Variants in NRXN3 observed in about 807,000 individuals in gnomAD.
NRXN3 encodes neurexin 3.
A neutral mutation model predicts 137.6 loss-of-function variants in NRXN3; 32 were observed. The observed-to-expected ratio is 0.23, with a 90% confidence interval of 0.18 to 0.31. NRXN3 has a LOEUF of 0.31. Among genes scored for constraint, NRXN3 ranks in the 10% least tolerant of loss-of-function variants. The pLI is 1.00. For synonymous variants in NRXN3, 798 were observed against 784.5 expected, an observed-to-expected ratio of 1.02 and a Z score of -0.29; for missense variants, 1,574 against 2,062.5, an observed-to-expected ratio of 0.76 and a Z score of 4.59.
intron 4 of NRXN3, among the ~76,000 whole-genome samples, chr14:78,638,080 G>A (rs2097582194): frequency 6.6e-6 from 1 of 152,172 alleles, no homozygotes; most frequent in African/African-American, 2.4e-5. Context: ...CCAGGATGCT[G>A]GCTGTTTATT....
chr14:78,570,635 C>A (rs1242432979), intron 4 of NRXN3, among the ~76,000 whole-genome samples: 1 of 152,174 alleles, frequency 6.6e-6, no homozygotes, highest in African/African-American at 2.4e-5. Context: ...AGAATCCTGG[C>A]AAAAGGAGAC....
chr14:78,987,577 T>G (rs912957388), intron 14 of NRXN3, among the ~76,000 whole-genome samples: 21 of 152,104 alleles, frequency 1.4e-4, no homozygotes, highest in Non-Finnish European at 2.8e-4. Flanking sequence ...ACATCTTTTT[T>G]TATGTCACGA....
chr14:79,072,883 T>C (rs1568191989), intron 15 of NRXN3, among the ~76,000 whole-genome samples: 1 of 113,418 alleles, frequency 8.8e-6, no homozygotes, highest in African/African-American at 2.6e-5. Context: ...TCTCTCTCTC[T>C]CTCTTTTTTT....
At chr14:78,717,507 C>T (rs2098439532) in intron 8 of NRXN3, among the ~76,000 whole-genome samples, 2 of 152,028 alleles carry the variant, frequency 1.3e-5, no homozygotes, top group Non-Finnish European at 2.9e-5. Flanking sequence ...TTTTTTGCCC[C>T]TGGATTGTTC....
At chr14:78,307,710 G>A (rs560698690) in intron 4 of NRXN3, among the ~76,000 whole-genome samples, 1 of 152,194 alleles carries the variant, frequency 6.6e-6, no homozygotes, top group Admixed American at 6.5e-5. Flanking sequence ...CTTTTTGATG[G>A]ATGTCTGATT....
intron 15 of NRXN3, among the ~76,000 whole-genome samples, chr14:79,435,733 C>A (rs1007651917): frequency 6.6e-6 from 1 of 152,068 alleles, no homozygotes; most frequent in Non-Finnish European, 1.5e-5. Context: ...CTCCTGAGCT[C>A]AGGCTATCCT....
Position 78,209,089 on chromosome 14 carries a change from T to G in NRXN3, c.-703-33302T>G, listed in dbSNP as rs920947148. Among the ~76,000 whole-genome samples, 3 of 152,248 alleles carry G rather than the reference T, an allele frequency of 2.0e-5. 1 individual carries two copies. The highest frequency in any genetic ancestry group is 6.5e-5 in the Admixed American group (1 of 15,300). ...CAGGTTGGTTTTGTTTTCTTGAAGC[T>G]TGTCTGAAGGAGATAAGTCTGCACC... On this transcript the variant is annotated intron_variant, in intron 1 of 20. Coordinates refer to ENST00000335750, the MANE Select transcript of NRXN3 (RefSeq NM_001330195.2).
chr14:78,321,208 TA>T (rs1329148697), intron 4 of NRXN3, among the ~76,000 whole-genome samples: 1 of 152,024 alleles, frequency 6.6e-6, no homozygotes, highest in Non-Finnish European at 1.5e-5. Flanking sequence ...GTGCTCTTCA[TA>T]ACCCCATCTT....
At chr14:78,969,989 A>T (rs2099431105) in intron 14 of NRXN3, among the ~76,000 whole-genome samples, 2 of 152,188 alleles carry the variant, frequency 1.3e-5, no homozygotes, top group Admixed American at 1.3e-4. Context: ...ATTAAAGGGC[A>T]ATCCTGGAAT....
At chr14:78,191,165 A>C (rs1481495332) in intron 1 of NRXN3, among the ~76,000 whole-genome samples, 2 of 152,154 alleles carry the variant, frequency 1.3e-5, no homozygotes, top group Non-Finnish European at 2.9e-5. Flanking sequence ...GCAAATTCAC[A>C]ACTGGTGGGG....
At chr14:79,307,774 CTCTCTCTT>C (rs1197093714) in intron 15 of NRXN3, among the ~76,000 whole-genome samples, 2 of 152,178 alleles carry the variant, frequency 1.3e-5, no homozygotes, top group African/African-American at 2.4e-5. Context: ...CTTTCTCTCT[CTCTCTCTT>C]TCTCTCTTTC....
chr14:78,998,128 G>A (rs1305152676), intron 15 of NRXN3, among the ~76,000 whole-genome samples: 1 of 152,112 alleles, frequency 6.6e-6, no homozygotes, highest in Non-Finnish European at 1.5e-5. Flanking sequence ...GCTCTTCTTT[G>A]CCTGATGTCT....
At chr14:78,251,750 T>C (rs893225658) in intron 2 of NRXN3, among the ~76,000 whole-genome samples, 1 of 152,088 alleles carries the variant, frequency 6.6e-6, no homozygotes, top group African/African-American at 2.4e-5. Context: ...TGTTTGGAAA[T>C]ATTTGCAGTA....
intron 4 of NRXN3, among the ~76,000 whole-genome samples, chr14:78,374,832 G>A (rs992882668): frequency 6.7e-6 from 1 of 148,630 alleles, no homozygotes; most frequent in Non-Finnish European, 1.5e-5. Context: ...CAGAAAAATT[G>A]TGCTACAACT....
chr14:79,249,538 G>A (rs2075661391), intron 15 of NRXN3, among the ~76,000 whole-genome samples: 1 of 152,186 alleles, frequency 6.6e-6, no homozygotes, highest in African/African-American at 2.4e-5. Context: ...TGGATTCCAT[G>A]AACATGGCTG....
At chr14:79,564,076 C>G (rs528186981) in intron 16 of NRXN3, among the ~76,000 whole-genome samples, 33 of 151,910 alleles carry the variant, frequency 2.2e-4, no homozygotes, top group African/African-American at 7.7e-4. Context: ...GAAGTACAAC[C>G]TCAGAGTTAC....
At chr14:78,280,689 ATCTTTT>A (rs2074285283) in intron 3 of NRXN3, among the ~76,000 whole-genome samples, 1 of 152,150 alleles carries the variant, frequency 6.6e-6, no homozygotes, top group East Asian at 1.9e-4. Flanking sequence ...CAAAAGGGGC[ATCTTTT>A]TCTAGTGCTC....
chr14:78,403,703 C>T (rs2092280072), intron 4 of NRXN3: 6 of 985,308 alleles, frequency 6.1e-6, no homozygotes, highest in Non-Finnish European at 7.2e-6. Context: ...GCTTCCTGCA[C>T]ACTGTTGTAG....
chr14:78,895,356 T>C (rs2099170396), intron 10 of NRXN3, among the ~76,000 whole-genome samples: 1 of 151,876 alleles, frequency 6.6e-6, no homozygotes, highest in Admixed American at 6.6e-5. Context: ...TCCTTAAACC[T>C]CATGAACCAA....
Sources: allele counts gnomAD v4.1 joint callset (sites outside exome capture counted in the v4.1 genomes callset), GRCh38; gene constraint gnomAD v4.1.1; transcripts MANE v1.5; gene names NCBI Gene and HGNC (gene_info 2026-07-23, HGNC 2026-07-21).